CYTH3: variants seen among roughly 807,000 people sequenced by gnomAD.
The protein encoded by CYTH3 is cytohesin-3.
Under a neutral mutation model 55.1 loss-of-function variants are expected in CYTH3, and 23 were observed. That is an observed-to-expected ratio of 0.42 (90% CI 0.30 to 0.59). The LOEUF (loss-of-function observed/expected upper bound fraction) is 0.59. CYTH3 is among the 20% of genes least tolerant of loss of function. The pLI is 0.20. For synonymous variants in CYTH3, 249 were observed against 194.9 expected (o/e 1.28, Z -2.31); for missense variants, 413 against 524.8 (o/e 0.79, Z 2.08).
intron 1 of CYTH3, among the ~76,000 whole-genome samples, chr7:6,260,854 C>T (rs7791072): frequency 0.062 from 9,394 of 152,174 alleles, 965 homozygotes; most frequent in African/African-American, 0.21. Context: ...TGTTTATCTC[C>T]TACCCAAATT....
intron 1 of CYTH3, among the ~76,000 whole-genome samples, chr7:6,210,366 A>C (rs1244027698): frequency 1.3e-5 from 2 of 152,222 alleles, no homozygotes; most frequent in East Asian, 1.9e-4. Context: ...ATCTCTGACA[A>C]TTTAATCAAC....
intron 1 of CYTH3, among the ~76,000 whole-genome samples, chr7:6,235,964 T>C (rs1315810345): frequency 1.3e-5 from 2 of 152,218 alleles, no homozygotes; most frequent in East Asian, 3.8e-4. Context: ...TTCACATTTC[T>C]TCACCTAGGA....
chr7:6,181,832 C>T (rs73675885), intron 4 of CYTH3, among the ~76,000 whole-genome samples: 1,953 of 152,228 alleles, frequency 0.013, 40 homozygotes, highest in African/African-American at 0.044. Context: ...TTCTAGCACA[C>T]GTCCACTCTT....
chr7:6,264,953 T>C (rs1232066731), intron 1 of CYTH3, among the ~76,000 whole-genome samples: 2 of 152,116 alleles, frequency 1.3e-5, no homozygotes, highest in Non-Finnish European at 2.9e-5. Flanking sequence ...TGATTTTAGA[T>C]AGGTTGGTCA....
At chr7:6,214,164 G>C (rs574524770) in intron 1 of CYTH3, among the ~76,000 whole-genome samples, 1 of 152,172 alleles carries the variant, frequency 6.6e-6, no homozygotes, top group Non-Finnish European at 1.5e-5. Flanking sequence ...TGGATGGATC[G>C]ATGAGAGACG....
intron 4 of CYTH3, among the ~76,000 whole-genome samples, chr7:6,186,025 A>G (rs1783638924): frequency 6.6e-6 from 1 of 151,882 alleles, no homozygotes; most frequent in African/African-American, 2.4e-5. Context: ...CGGGCGGATC[A>G]TGAGGTCAGG....
At chr7:6,222,011 C>A (rs1228317340) in intron 1 of CYTH3, among the ~76,000 whole-genome samples, 1 of 152,110 alleles carries the variant, frequency 6.6e-6, no homozygotes, top group African/African-American at 2.4e-5. Flanking sequence ...TAAGGAAAAA[C>A]CAGATGTTTC....
At chr7:6,266,186 C>T (rs113456704) in intron 1 of CYTH3, among the ~76,000 whole-genome samples, 120 of 152,234 alleles carry the variant, frequency 7.9e-4, no homozygotes, top group African/African-American at 2.7e-3. Context: ...AACCACTCTC[C>T]ACTCAGGAGT....
At chr7:6,223,836 TAAAAAAAAAAA>T (rs58813864) in intron 1 of CYTH3, among the ~76,000 whole-genome samples, 8 of 24,314 alleles carry the variant, frequency 3.3e-4, no homozygotes, top group South Asian at 1.7e-3. Flanking sequence ...CAATAAATAC[TAAAAAAAAAAA>T]AAAAAAAAAA....
intron 1 of CYTH3, among the ~76,000 whole-genome samples, chr7:6,260,025 T>C (rs1780311019): frequency 6.7e-6 from 1 of 149,284 alleles, no homozygotes; most frequent in Non-Finnish European, 1.5e-5. Context: ...AAACAGGGTT[T>C]CTCCATGTGG....
chr7:6,175,597 G>C (rs1171780811), intron 5 of CYTH3, among the ~76,000 whole-genome samples: 3 of 142,636 alleles, frequency 2.1e-5, no homozygotes, highest in African/African-American at 8.0e-5. Flanking sequence ...ACCCAGGCTG[G>C]AGTCCAATAA....
chr7:6,235,465 T>A (rs1231105412), intron 1 of CYTH3, among the ~76,000 whole-genome samples: 6 of 138,948 alleles, frequency 4.3e-5, no homozygotes, highest in African/African-American at 1.4e-4. Flanking sequence ...AGAGGGAGAC[T>A]CTATCTCAAA....
intron 1 of CYTH3, among the ~76,000 whole-genome samples, chr7:6,213,559 T>G (rs988990683): frequency 2.6e-5 from 4 of 152,094 alleles, no homozygotes; most frequent in East Asian, 3.9e-4. Flanking sequence ...TGTTTGGTTT[T>G]GTTTTGCCGT....
chr7:6,203,039 T>G (rs1288408370), intron 1 of CYTH3, among the ~76,000 whole-genome samples: 1 of 152,098 alleles, frequency 6.6e-6, no homozygotes, highest in Non-Finnish European at 1.5e-5. Context: ...AAAAAAACTT[T>G]AAGAAAAATA....
At chr7:6,185,741 C>T (rs923004812) in intron 4 of CYTH3, among the ~76,000 whole-genome samples, 2 of 151,786 alleles carry the variant, frequency 1.3e-5, no homozygotes, top group Admixed American at 6.6e-5. Flanking sequence ...TGGCGCATAC[C>T]TGCAGTCCCA....
chr7:6,226,974 G>A (rs903571055), intron 1 of CYTH3, among the ~76,000 whole-genome samples: 1 of 151,996 alleles, frequency 6.6e-6, no homozygotes, highest in Non-Finnish European at 1.5e-5. Context: ...CAGCTACTCA[G>A]GAGGCTGAGG....
intron 1 of CYTH3, among the ~76,000 whole-genome samples, chr7:6,201,031 A>AT (rs908048748): frequency 1.3e-4 from 20 of 152,100 alleles, no homozygotes; most frequent in Admixed American, 6.5e-4. Flanking sequence ...AAGTGCTGGG[A>AT]TTGTAGGTAT....
rs568410526 is a variant in CYTH3, at chr7:6,190,454, T to C, written c.112A>G (p.Ile38Val). 3 of 1,348,050 alleles carry C rather than the reference T, an allele frequency of 2.2e-6. No individual in the cohort carries two copies. The highest frequency in any genetic ancestry group is 2.8e-5 in the South Asian group (2 of 72,086). The allele number at this position is 1,348,050 out of a possible 1,614,324, so 83.5% of individuals were successfully genotyped here. A position where few individuals can be genotyped will look rare whatever the true frequency, so the allele number is the denominator to read the frequency against. The change falls in exon 2 of 13, where the codon ATT becomes GTT. Residue 38 changes from isoleucine (I) to valine (V), a missense_variant. Around this residue, in one of 4 missense-constraint regions of CYTH3, gnomAD observed 152 missense variants for 148.1 expected, o/e 1.03. Coordinates refer to ENST00000350796, the MANE Select transcript of CYTH3 (RefSeq NM_004227.4). The stretch of plus-strand genomic sequence containing the variant: ...TTTTTTTTTTTTTTTTTTACCTCAA[T>C]GTCATCAATAAGTTCCTTTTTTCTT... ...RRRKKELIDD[I>V]ERLKYEIAEV...
chr7:6,165,705 G>C, intron 10 of CYTH3, 29 bp downstream of exon 10: 3 of 1,613,860 alleles, frequency 1.9e-6, no homozygotes, highest in Non-Finnish European at 2.5e-6. Context: ...ACTGCTGGGA[G>C]GCGGCAAGGA....
Sources: gnomAD v4.1 joint callset for allele counts (sites outside exome capture counted in the v4.1 genomes callset) on GRCh38, gnomAD v4.1.1 for gene constraint, gnomAD v4.1.1 regional missense constraint, MANE v1.5 for transcripts, NCBI Gene and HGNC (gene_info 2026-07-23, HGNC 2026-07-21) for gene names.